The following TRAF5 variants were observed in gnomAD, a reference collection of about 807,000 sequenced individuals.
The protein encoded by TRAF5 is TNF receptor-associated factor 5.
TRAF5 carries 48 observed loss-of-function variants against 64.5 expected under a neutral mutation model. The observed-to-expected ratio is 0.74, with a 90% CI of 0.59 to 0.95. The LOEUF (loss-of-function observed/expected upper bound fraction) is 0.95. Among genes scored for constraint, TRAF5 ranks in the 40% least tolerant of loss-of-function variants. TRAF5 has a pLI of 0.00. For missense variants in TRAF5, 545 were observed against 662.8 expected (o/e 0.82, Z 1.95); for synonymous variants, 206 against 240.5 (o/e 0.86, Z 1.33).
chr1:211,343,459 T>A (rs1257800763), intron 1 of TRAF5, among the ~76,000 whole-genome samples: 2 of 152,094 alleles, frequency 1.3e-5, no homozygotes, highest in Non-Finnish European at 2.9e-5. Flanking sequence ...TATCACCCTG[T>A]CTCCTACGCT....
At position 211,373,286 on chromosome 1, in the gene TRAF5, A is replaced by G. The variant is rs75076283; in HGVS notation, c.*584A>G. 0.023 allele frequency: 3,434 copies of G among 152,462 alleles called. 134 individuals are homozygous for G. Among genetic ancestry groups the G allele is most frequent in the African/African-American group, 0.079 (3,272 of 41,536 alleles). 9.4% of individuals were successfully genotyped at this position (152,462 alleles called of 1,614,324 possible). On this transcript the variant is annotated 3_prime_UTR_variant, in exon 11 of 11. Transcript: ENST00000261464. ...AAATTCACCAGCAGTTTGCAAGCAC[A>G]GTTTTGCAAGGCTGCATAAGAACTG...
At chr1:211,350,493 G>A (rs1702753995) in intron 1 of TRAF5, among the ~76,000 whole-genome samples, 1 of 152,142 alleles carries the variant, frequency 6.6e-6, no homozygotes, top group South Asian at 2.1e-4. Context: ...GGAGGATACA[G>A]TCTTGAGCCT....
chr1:211,361,029 T>G, intron 6 of TRAF5, 59 bp from the exon 7 acceptor site: 1 of 1,549,512 alleles, frequency 6.5e-7, no homozygotes, highest in Non-Finnish European at 8.9e-7. Flanking sequence ...GGCTCCCTGA[T>G]TGCTGCAGTT....
rs540570162 is a variant in TRAF5 at position 211,372,774 on chromosome 1, T to C, written c.*72T>C. 2.2e-6 allele frequency: 3 copies of C among 1,349,308 alleles called. No homozygotes were observed. In the African/African-American group the frequency reaches 4.4e-5, roughly 20 times the overall value. The allele number at this position is 1,349,308 out of a possible 1,614,324, so 83.6% of individuals were successfully genotyped here. Reference sequence around the variant, plus strand: ...GAGGAGAGCACATTTGATTATCATATTGACCTGGATTTAGACTCAAAGCAC... The same window carrying C: ...GAGGAGAGCACATTTGATTATCATACTGACCTGGATTTAGACTCAAAGCAC... On this transcript the variant is annotated 3_prime_UTR_variant, in exon 11 of 11. Transcript: ENST00000261464.
At chr1:211,327,460 C>G (rs904593467) in intron 1 of TRAF5, among the ~76,000 whole-genome samples, 5 of 152,190 alleles carry the variant, frequency 3.3e-5, no homozygotes, top group Non-Finnish European at 5.9e-5. Context: ...GCAGCTACCC[C>G]CCTCCCCCAG....
chr1:211,367,885 A>C (rs887105912), intron 8 of TRAF5, among the ~76,000 whole-genome samples: 13 of 152,234 alleles, frequency 8.5e-5, no homozygotes, highest in African/African-American at 3.1e-4. Context: ...AGGATAAAGA[A>C]ATAAATGAGA....
chr1:211,350,201 C>CTA, intron 1 of TRAF5, among the ~76,000 whole-genome samples: 1 of 143,002 alleles, frequency 7.0e-6, no homozygotes, highest in African/African-American at 2.6e-5. Flanking sequence ...AAACCCCAGG[C>CTA]TTTTTTTTTT....
chr1:211,356,539 G>T (rs1702975308), intron 4 of TRAF5, 71 bp downstream of exon 4: 1 of 1,304,174 alleles, frequency 7.7e-7, no homozygotes, highest in Non-Finnish European at 1.1e-6. Flanking sequence ...CCCTTTATGT[G>T]ACAGTTACTG....
chr1:211,327,014 C>A, intron 1 of TRAF5, 125 bp downstream of exon 1: 1 of 841,392 alleles, frequency 1.2e-6, no homozygotes, highest in Non-Finnish European at 1.4e-6. Flanking sequence ...GGCGTCCGGC[C>A]GGTCCCCGAC....
At chr1:211,345,925 CA>C (rs1228325489) in intron 1 of TRAF5, among the ~76,000 whole-genome samples, 1 of 152,244 alleles carries the variant, frequency 6.6e-6, no homozygotes, top group Non-Finnish European at 1.5e-5. Context: ...GCCTGGAAAA[CA>C]GTTTGCGGCA....
At chr1:211,360,335 A>G in intron 5 of TRAF5, 1 of 508,486 alleles carries the variant, frequency 2.0e-6, no homozygotes, top group Non-Finnish European at 3.5e-6. Flanking sequence ...GCTGAGTCAC[A>G]AGGAGGTGAC....
upstream of TRAF5, chr1:211,326,709 C>T (rs1282350142): frequency 1.0e-6 from 1 of 986,126 alleles, no homozygotes; most frequent in Non-Finnish European, 1.2e-6. The surrounding 1 kb of genome is among the most constrained non-coding windows in gnomAD (Gnocchi z 5.0). Context: ...ATGACGGTCT[C>T]AGCCTCCTCC....
intron 1 of TRAF5, among the ~76,000 whole-genome samples, chr1:211,347,836 C>T (rs1348584162): frequency 6.6e-6 from 1 of 152,204 alleles, no homozygotes; most frequent in Non-Finnish European, 1.5e-5. Context: ...CAGGTGAGTT[C>T]AGGTAAGAGC....
At chr1:211,340,993 G>C (rs1389321360) in intron 1 of TRAF5, among the ~76,000 whole-genome samples, 1 of 152,200 alleles carries the variant, frequency 6.6e-6, no homozygotes, top group African/African-American at 2.4e-5. Flanking sequence ...CACCGCGCCT[G>C]GCCTCTTTGT....
At chr1:211,327,297 C>T (rs1702045674) in intron 1 of TRAF5, among the ~76,000 whole-genome samples, 1 of 152,192 alleles carries the variant, frequency 6.6e-6, no homozygotes, top group African/African-American at 2.4e-5. Context: ...CACATCCGCA[C>T]TGCAAACCAG....
intron 1 of TRAF5, among the ~76,000 whole-genome samples, chr1:211,341,603 TG>T (rs923702605): frequency 1.3e-5 from 2 of 152,034 alleles, no homozygotes; most frequent in African/African-American, 4.8e-5. Context: ...CACAGGTCTG[TG>T]GGTGCCACCT....
At chr1:211,368,443 T>A (rs890153739) in intron 8 of TRAF5, among the ~76,000 whole-genome samples, 4 of 152,070 alleles carry the variant, frequency 2.6e-5, no homozygotes, top group Non-Finnish European at 5.9e-5. Context: ...GTTGCTGGGG[T>A]CATAGTGGAC....
chr1:211,344,212 C>T (rs1336599710), intron 1 of TRAF5, among the ~76,000 whole-genome samples: 2 of 152,142 alleles, frequency 1.3e-5, no homozygotes, highest in African/African-American at 4.8e-5. Flanking sequence ...GCCCTTCAGC[C>T]TTTGCACTCC....
Position 211,353,294 on chromosome 1 carries a change from T to A in TRAF5, c.55T>A (p.Ser19Thr). The A allele has an allele frequency of 6.2e-7, 1 of 1,614,256 alleles. No homozygotes were observed. Residue 19 changes from serine to threonine, a missense_variant, in exon 2 of 11, where the codon TCC (serine) becomes ACC (threonine). Ser to Thr is a moderately conservative substitution (Grantham distance 58). Transcript: ENST00000261464. Reference sequence around the variant, plus strand: ...GCCCTGTGGTTTCATCCGCCAGAATTCCGGCAACTCCATTTCCTTGGACTT... The same window carrying A: ...GCCCTGTGGTTTCATCCGCCAGAATACCGGCAACTCCATTTCCTTGGACTT... The part of the protein sequence containing the change: ...GMPCGFIRQN[S>T]GNSISLDFEP...
Sources: gnomAD v4.1 joint callset for allele counts (sites outside exome capture counted in the v4.1 genomes callset) on GRCh38, gnomAD v4.1.1 for gene constraint, Gnocchi (gnomAD v3.1) non-coding constraint, MANE v1.5 for transcripts, NCBI Gene and HGNC (gene_info 2026-07-23, HGNC 2026-07-21) for gene names.